The following GTF2A1L variants were observed in gnomAD, a reference collection of about 807,000 sequenced individuals.
GTF2A1L encodes general transcription factor IIA subunit 1 like.
Under a neutral mutation model 49.7 loss-of-function variants are expected in GTF2A1L, and 48 were observed. The observed-to-expected ratio is 0.97, with a 90% CI of 0.77 to 1.23. The LOEUF (loss-of-function observed/expected upper bound fraction) is 1.23. Ranked by LOEUF, GTF2A1L falls within the 50% of genes most tolerant of loss-of-function variation. GTF2A1L has a pLI of 0.00. For missense variants in GTF2A1L, 736 were observed against 564.8 expected (o/e 1.30, Z -3.07); for synonymous variants, 246 against 193.5 (o/e 1.27, Z -2.25).
chr2:48,650,107 C>A (rs146752631), intron 6 of GTF2A1L, among the ~76,000 whole-genome samples: 1 of 152,262 alleles, frequency 6.6e-6, no homozygotes, highest in Non-Finnish European at 1.5e-5. Context: ...TGAAGTATGT[C>A]TGTCATAATG....
intron 4 of GTF2A1L, among the ~76,000 whole-genome samples, chr2:48,643,986 A>C (rs570262951): frequency 6.6e-6 from 1 of 152,064 alleles, no homozygotes; most frequent in Non-Finnish European, 1.5e-5. Flanking sequence ...GGCGTGAGCC[A>C]CCGTGCCCGG....
At chr2:48,635,709 G>T (rs1558716113) in intron 3 of GTF2A1L, among the ~76,000 whole-genome samples, 2 of 152,172 alleles carry the variant, frequency 1.3e-5, no homozygotes, top group East Asian at 1.9e-4. Context: ...CAGAGCAGGT[G>T]CTTCAGTCTG....
At chr2:48,662,497 T>A (rs973606586) in intron 6 of GTF2A1L, among the ~76,000 whole-genome samples, 7 of 152,174 alleles carry the variant, frequency 4.6e-5, no homozygotes, top group Non-Finnish European at 7.3e-5. Flanking sequence ...TTATCTTTCA[T>A]TTTTTAAAGG....
rs201916228 is a variant in GTF2A1L at position 48,619,495 on chromosome 2, T to TA, written c.22-1347dup. On this transcript the variant is annotated intron_variant, in intron 1 of 8. Coordinates refer to ENST00000403751, the MANE Select transcript of GTF2A1L (RefSeq NM_006872.5). ...AAAAAAAAAAAAATAATAATAATAATAAAAAAAAAGCACAGCTACTCTTGG... is the reference window on the plus strand; with the variant it reads ...AAAAAAAAAAAAATAATAATAATAATAAAAAAAAAAGCACAGCTACTCTTGG... Among the ~76,000 whole-genome samples, 68 of 148,928 alleles carry TA rather than the reference T, an allele frequency of 4.6e-4. 1 individual carries two copies. Among genetic ancestry groups the TA allele is most frequent in the African/African-American group, 1.3e-3 (53 of 40,452 alleles).
At chr2:48,660,240 GTAATTT>G (rs1678412590) in intron 6 of GTF2A1L, among the ~76,000 whole-genome samples, 1 of 152,104 alleles carries the variant, frequency 6.6e-6, no homozygotes, top group Non-Finnish European at 1.5e-5. Flanking sequence ...GTATTGGTCT[GTAATTT>G]TTATGTTTTG....
intron 3 of GTF2A1L, among the ~76,000 whole-genome samples, chr2:48,624,445 C>T (rs1374699542): frequency 8.8e-6 from 1 of 113,404 alleles, no homozygotes; most frequent in Non-Finnish European, 2.0e-5. Context: ...AAGGTGTTCA[C>T]CATAGTGCTT....
chr2:48,636,330 T>C (rs1280302499), intron 3 of GTF2A1L, among the ~76,000 whole-genome samples: 1 of 152,228 alleles, frequency 6.6e-6, no homozygotes, highest in Non-Finnish European at 1.5e-5. Flanking sequence ...TAAAAGGAAG[T>C]ATACTTGCTA....
At position 48,644,973 on chromosome 2, in the gene GTF2A1L, G is replaced by T. The variant is rs1332301925; in HGVS notation, c.304-60G>T. The T allele has an allele frequency of 6.7e-6, 10 of 1,500,110 alleles. No homozygotes were observed. In the East Asian group the frequency reaches 1.2e-4, roughly 18 times the overall value. 92.9% of individuals were successfully genotyped at this position (1,500,110 alleles called of 1,614,324 possible). A position where few individuals can be genotyped will look rare whatever the true frequency, so the allele number is the denominator to read the frequency against. On this transcript the variant is annotated intron_variant, in intron 4 of 8. Transcript: ENST00000403751. Reference sequence around the variant, plus strand: ...TTTTTTGACTCCCTGTGAGATCAGGGAAAAAAAGATACAAGTAAAGTCCTT... The same window carrying T: ...TTTTTTGACTCCCTGTGAGATCAGGTAAAAAAAGATACAAGTAAAGTCCTT...
chr2:48,657,511 C>T (rs1466034199), intron 6 of GTF2A1L, among the ~76,000 whole-genome samples: 1 of 152,176 alleles, frequency 6.6e-6, no homozygotes, highest in East Asian at 1.9e-4. Context: ...CATGTATGGG[C>T]ACCTGGGCTG....
chr2:48,628,862 A>C lies in GTF2A1L; in HGVS notation c.247+7572A>C, dbSNP rs1676431190. 1.4e-5 allele frequency among the ~76,000 whole-genome samples: 2 copies of C among 143,920 alleles called. 1 individual carries two copies. The highest frequency in any genetic ancestry group is 3.1e-5 in the Non-Finnish European group (2 of 63,910). The allele number at this position is 143,920 out of a possible 152,430, so 94.4% of individuals were successfully genotyped here. A position where few individuals can be genotyped will look rare whatever the true frequency, so the allele number is the denominator to read the frequency against. On this transcript the variant is annotated intron_variant, in intron 3 of 8. Coordinates refer to ENST00000403751, the MANE Select transcript of GTF2A1L (RefSeq NM_006872.5). ...TATAGTTTGAGGTCTTACATTTAGAACTTTAACCCATCTTTGTAACTGAAT... is the reference window on the plus strand; with the variant it reads ...TATAGTTTGAGGTCTTACATTTAGACCTTTAACCCATCTTTGTAACTGAAT...
intron 8 of GTF2A1L, among the ~76,000 whole-genome samples, chr2:48,672,330 A>T (rs973875065): frequency 6.6e-6 from 1 of 152,256 alleles, no homozygotes; most frequent in Admixed American, 6.5e-5. Context: ...TAGGAAGTGA[A>T]GCTGGGTGGG....
intron 6 of GTF2A1L, among the ~76,000 whole-genome samples, chr2:48,657,465 G>A (rs760715562): frequency 7.2e-5 from 11 of 152,050 alleles, no homozygotes; most frequent in Non-Finnish European, 1.3e-4. Flanking sequence ...AGTATTCCAC[G>A]GTTTATATGT....
chr2:48,621,066 C>A, intron 2 of GTF2A1L, 101 bp from the exon 3 acceptor site: 3 of 1,508,230 alleles, frequency 2.0e-6, no homozygotes, highest in Non-Finnish European at 2.7e-6. Context: ...ATTCATTGTG[C>A]CATCAGGATG....
intron 3 of GTF2A1L, among the ~76,000 whole-genome samples, chr2:48,622,215 C>G (rs1490679367): frequency 6.6e-6 from 1 of 152,204 alleles, no homozygotes; most frequent in Non-Finnish European, 1.5e-5. Flanking sequence ...GGAGAATTTA[C>G]ATGTGGCAGC....
intron 5 of GTF2A1L, among the ~76,000 whole-genome samples, chr2:48,645,825 T>C (rs979259445): frequency 6.6e-6 from 1 of 152,120 alleles, no homozygotes; most frequent in Non-Finnish European, 1.5e-5. Flanking sequence ...ATTTTTTGTA[T>C]TTTTAGTAGA....
chr2:48,669,195 C>T (rs1475063354), intron 6 of GTF2A1L, among the ~76,000 whole-genome samples: 1 of 152,150 alleles, frequency 6.6e-6, no homozygotes, highest in Non-Finnish European at 1.5e-5. Flanking sequence ...TTCCCCTCTT[C>T]ATATCCCCTA....
intron 6 of GTF2A1L, among the ~76,000 whole-genome samples, chr2:48,650,221 A>G (rs572197014): frequency 1.1e-3 from 170 of 152,314 alleles, no homozygotes; most frequent in African/African-American, 3.9e-3. Context: ...GTAGTGGAGT[A>G]TAAGCTTTTA....
At chr2:48,662,902 A>C (rs1329529016) in intron 6 of GTF2A1L, among the ~76,000 whole-genome samples, 1 of 152,106 alleles carries the variant, frequency 6.6e-6, no homozygotes, top group Non-Finnish European at 1.5e-5. Context: ...TGAACACGGG[A>C]ATAATTGAGG....
chr2:48,631,159 T>C (rs747871023), intron 3 of GTF2A1L, among the ~76,000 whole-genome samples: 1 of 152,198 alleles, frequency 6.6e-6, no homozygotes, highest in Non-Finnish European at 1.5e-5. Flanking sequence ...GAGTCCCTTC[T>C]CCTCAACATT....
Sources: gnomAD v4.1 joint callset for allele counts (sites outside exome capture counted in the v4.1 genomes callset) on GRCh38, gnomAD v4.1.1 for gene constraint, MANE v1.5 for transcripts, NCBI Gene and HGNC (gene_info 2026-07-23, HGNC 2026-07-21) for gene names.